Variants in PRRG1 observed in about 807,000 individuals in gnomAD.
PRRG1 encodes proline rich and Gla domain 1, also known as transmembrane gamma-carboxyglutamic acid protein 1.
PRRG1 carries 5 observed loss-of-function variants against 11.8 expected under a neutral mutation model. The ratio of observed to expected loss-of-function variants is 0.42; its 90% CI spans 0.22 to 0.89. PRRG1 has a LOEUF of 0.89. PRRG1 is among the 40% of genes least tolerant of loss of function. The probability of loss-of-function intolerance (pLI) is 0.28; values close to 1 mark genes in which losing one functional copy is unlikely to be tolerated. For missense variants in PRRG1, 155 were observed against 166.1 expected, an observed-to-expected ratio of 0.93 and a Z score of 0.37; for synonymous variants, 66 against 60.4, an observed-to-expected ratio of 1.09 and a Z score of -0.43.
intron 1 of PRRG1, among the ~76,000 whole-genome samples, chrX:37,351,505 A>AAAAG (rs1296426406): frequency 3.8e-4 from 42 of 111,571 alleles, no homozygotes; most frequent in African/African-American, 1.1e-3. Flanking sequence ...AAAAAAAAAA[A>AAAAG]AAAGAAAGAA....
intron 2 of PRRG1, among the ~76,000 whole-genome samples, chrX:37,410,620 G>A (rs1156883171): frequency 8.9e-6 from 1 of 112,279 alleles, no homozygotes; most frequent in East Asian, 2.8e-4. Context: ...ATCAGATGGT[G>A]GAGTGCCTCA....
chrX:37,362,459 G>T (rs1378125870), intron 1 of PRRG1, among the ~76,000 whole-genome samples: 2 of 109,744 alleles, frequency 1.8e-5, no homozygotes, highest in Non-Finnish European at 3.8e-5. Context: ...CCCATCCACA[G>T]ATATTGAAAG....
Position 37,387,811 on chromosome X carries a change from A to G in PRRG1, c.-41-18398A>G, listed in dbSNP as rs1327849922. The stretch of plus-strand genomic sequence containing the variant: ...ATCATGCCTTCCCAATAGTCCCCCA[A>G]AATCTTAAGTCATTTCAGCATTAAC... On this transcript the variant is annotated intron_variant, in intron 1 of 3. Transcript: ENST00000378628. Among the ~76,000 whole-genome samples the G allele has an allele frequency of 3.6e-5, 4 of 111,309 alleles. No individual in the cohort carries two copies. The Admixed American group carries it at 3.8e-4, about 11-fold the overall frequency.
chrX:37,406,880 A>C (rs782150253), intron 2 of PRRG1, among the ~76,000 whole-genome samples: 1 of 111,803 alleles, frequency 8.9e-6, no homozygotes, highest in African/African-American at 3.2e-5. Flanking sequence ...AATGTATATC[A>C]TGTCAACCTA....
intron 3 of PRRG1, among the ~76,000 whole-genome samples, chrX:37,434,807 T>C (rs782020626): frequency 6.2e-5 from 7 of 112,357 alleles, no homozygotes; most frequent in South Asian, 3.7e-4. Flanking sequence ...TTTTTCTCTC[T>C]TCTCTCTATG....
chrX:37,388,914 A>G (rs1601991400), intron 1 of PRRG1, among the ~76,000 whole-genome samples: 1 of 112,228 alleles, frequency 8.9e-6, no homozygotes, highest in Non-Finnish European at 1.9e-5. Context: ...TTCCAGTTTT[A>G]TGTTATTTCT....
intron 1 of PRRG1, among the ~76,000 whole-genome samples, chrX:37,349,853 G>T (rs1338182139): frequency 1.8e-5 from 2 of 110,862 alleles, no homozygotes; most frequent in East Asian, 5.7e-4. Context: ...GTGGGCTGTC[G>T]GCCCGGGCTA....
intron 3 of PRRG1, among the ~76,000 whole-genome samples, chrX:37,440,042 C>T (rs1315180932): frequency 4.5e-5 from 5 of 110,612 alleles, no homozygotes; most frequent in Middle Eastern, 4.2e-3. Context: ...TCAAGTGATC[C>T]GCCTGCCTTC....
At chrX:37,437,727 G>T (rs1932900601) in intron 3 of PRRG1, among the ~76,000 whole-genome samples, 1 of 111,562 alleles carries the variant, frequency 9.0e-6, no homozygotes, top group Non-Finnish European at 1.9e-5. Flanking sequence ...TCTGAAAGAT[G>T]ATGTCAACAT....
At chrX:37,402,387 A>G (rs1207322987) in intron 1 of PRRG1, among the ~76,000 whole-genome samples, 1 of 112,078 alleles carries the variant, frequency 8.9e-6, no homozygotes, top group African/African-American at 3.3e-5. Flanking sequence ...CAATGGGGAA[A>G]GGATTCCCTA....
Position 37,356,994 on chromosome X carries a change from A to G in PRRG1, c.-42+7599A>G, listed in dbSNP as rs1297624921. ...GATTTGGATGAATGTATAATAACAT[A>G]TCTACTATTGTATTAATATTATGAT... is the stretch of plus-strand genomic sequence containing the variant. On this transcript the variant is annotated intron_variant, in intron 1 of 3. Transcript: ENST00000378628. Among the ~76,000 whole-genome samples the G allele has an allele frequency of 5.4e-5, 6 of 111,599 alleles. No homozygotes were observed. In the Admixed American group the frequency reaches 5.7e-4, roughly 11 times the overall value.
intron 3 of PRRG1, among the ~76,000 whole-genome samples, chrX:37,438,651 G>A (rs1377195361): frequency 7.2e-5 from 8 of 110,547 alleles, no homozygotes; most frequent in African/African-American, 2.6e-4. Context: ...TGGCCAAGCT[G>A]GTCTTGAACT....
intron 1 of PRRG1, among the ~76,000 whole-genome samples, chrX:37,401,377 C>G (rs1388588627): frequency 9.0e-6 from 1 of 111,050 alleles, no homozygotes; most frequent in Non-Finnish European, 1.9e-5. Flanking sequence ...GAACCAAAGA[C>G]AAAAACCACA....
chrX:37,391,458 G>A (rs1441635891), intron 1 of PRRG1, among the ~76,000 whole-genome samples: 1 of 111,630 alleles, frequency 9.0e-6, no homozygotes, highest in Non-Finnish European at 1.9e-5. Flanking sequence ...TAAAACTTGG[G>A]TTGAATTAGG....
In PRRG1 at chrX:37,455,948, A is replaced by G. The variant is rs1921341077; in HGVS notation, c.*2327A>G. The G allele has an allele frequency of 8.9e-6, 1 of 112,013 alleles. No homozygotes were observed. The highest frequency in any genetic ancestry group is 9.5e-5 in the Admixed American group (1 of 10,577). The allele number at this position is 112,013 out of a possible 1,213,427, so 9.2% of individuals were successfully genotyped here. A position where few individuals can be genotyped will look rare whatever the true frequency, so the allele number is the denominator to read the frequency against. ...TGAGAGCCTTTCAGGGGGGACTATG[A>G]GATCAAAATATTTTTATTATAATGT... On this transcript the variant is annotated 3_prime_UTR_variant, in exon 4 of 4. Transcript: ENST00000378628.
chrX:37,367,999 G>T (rs1386539197), intron 1 of PRRG1, among the ~76,000 whole-genome samples: 3 of 111,707 alleles, frequency 2.7e-5, no homozygotes, highest in Non-Finnish European at 3.8e-5. Context: ...GGGTGGTCCT[G>T]GGTTCCCCAA....
At chrX:37,429,833 C>T (rs1442095678) in intron 3 of PRRG1, among the ~76,000 whole-genome samples, 1 of 112,059 alleles carries the variant, frequency 8.9e-6, no homozygotes, top group Non-Finnish European at 1.9e-5. Context: ...ACTTACAGTT[C>T]CACATGGCTG....
intron 1 of PRRG1, among the ~76,000 whole-genome samples, chrX:37,395,207 C>T (rs781934670): frequency 8.9e-5 from 10 of 112,064 alleles, no homozygotes; most frequent in Non-Finnish European, 1.5e-4. Context: ...AGGCCTCAAG[C>T]CCACATATGT....
chrX:37,412,833 A>G (rs1174945971), intron 2 of PRRG1, among the ~76,000 whole-genome samples: 3 of 111,345 alleles, frequency 2.7e-5, no homozygotes, highest in Non-Finnish European at 5.7e-5. Flanking sequence ...AATTTTAGAA[A>G]GGTTTCTCAA....
Sources: allele counts gnomAD v4.1 joint callset (sites outside exome capture counted in the v4.1 genomes callset), GRCh38; gene constraint gnomAD v4.1.1; transcripts MANE v1.5; gene names NCBI Gene and HGNC (gene_info 2026-07-23, HGNC 2026-07-21).